GOLPH3L: variants seen among roughly 807,000 people sequenced by gnomAD.
GOLPH3L encodes the protein golgi phosphoprotein 3 like.
GOLPH3L carries 22 observed loss-of-function variants against 30.3 expected under a neutral mutation model. The ratio of observed to expected loss-of-function variants is 0.73; its 90% CI spans 0.52 to 1.04. The LOEUF is 1.04. Among genes scored for constraint, GOLPH3L ranks in the 50% least tolerant of loss-of-function variants. The pLI, the probability that GOLPH3L is intolerant of heterozygous loss-of-function variation, is 0.00. For synonymous variants in GOLPH3L, 120 were observed against 128.2 expected, an observed-to-expected ratio of 0.94 and a Z score of 0.43; for missense variants, 303 against 345.8, an observed-to-expected ratio of 0.88 and a Z score of 0.98.
chr1:150,658,607 C>A (rs1650300166), intron 4 of GOLPH3L, among the ~76,000 whole-genome samples: 1 of 152,170 alleles, frequency 6.6e-6, no homozygotes, highest in Non-Finnish European at 1.5e-5. Context: ...GGAAGAGGTG[C>A]TGCGCAATGA....
intron 3 of GOLPH3L, among the ~76,000 whole-genome samples, chr1:150,662,971 A>C (rs937984658): frequency 9.2e-5 from 14 of 152,062 alleles, no homozygotes; most frequent in African/African-American, 2.9e-4. Flanking sequence ...TTGGAGAATA[A>C]CCAGGGTTAA....
intron 2 of GOLPH3L, among the ~76,000 whole-genome samples, chr1:150,686,145 T>TTG (rs1651081491): frequency 1.3e-5 from 2 of 152,126 alleles, no homozygotes; most frequent in African/African-American, 2.4e-5. Flanking sequence ...AGTGCTAGGA[T>TTG]TACAGGCGTG....
chr1:150,694,845 C>T lies in GOLPH3L; in HGVS notation c.-7G>A, dbSNP rs374751790. The T allele has an allele frequency of 1.2e-5, 19 of 1,588,820 alleles. No homozygotes were observed. The African/African-American group carries it at 2.0e-4, about 17-fold the overall frequency. On this transcript the variant is annotated 5_prime_UTR_variant, in exon 2 of 5. Transcript: ENST00000271732. ...GGTGAGTTAAAGTGGTCATTCTCAC[C>T]TGTTTCTGGAGGGAGTGGTGAAAAA...
At chr1:150,695,180 G>T (rs587642592) in intron 1 of GOLPH3L, among the ~76,000 whole-genome samples, 43 of 152,186 alleles carry the variant, frequency 2.8e-4, no homozygotes, top group African/African-American at 1.0e-3. Context: ...CTGTTGCCCA[G>T]GCTGGGAGTG....
intron 3 of GOLPH3L, 58 bp downstream of exon 3, chr1:150,663,574 A>C: frequency 6.8e-7 from 1 of 1,475,144 alleles, no homozygotes; most frequent in East Asian, 2.3e-5. Context: ...TTCTTCCCAA[A>C]TGTACTGTTG....
Position 150,648,267 on chromosome 1 carries a change from G to C in GOLPH3L, c.*54C>G. On this transcript the variant is annotated 3_prime_UTR_variant, in exon 5 of 5. Coordinates refer to ENST00000271732, the MANE Select transcript of GOLPH3L (RefSeq NM_018178.6). Reference sequence around the variant, plus strand: ...CTCATCACACAAAACTCAGTGATGGGGTCTCTGACAGTCACCAGCCAGCAG... The same window carrying C: ...CTCATCACACAAAACTCAGTGATGGCGTCTCTGACAGTCACCAGCCAGCAG... The C allele has an allele frequency of 8.2e-7, 1 of 1,215,008 alleles. No homozygotes were observed. The highest frequency in any genetic ancestry group is 1.2e-6 in the Non-Finnish European group (1 of 854,946). 75.3% of individuals were successfully genotyped at this position (1,215,008 alleles called of 1,614,324 possible). A position where few individuals can be genotyped will look rare whatever the true frequency, so the allele number is the denominator to read the frequency against.
intron 2 of GOLPH3L, chr1:150,694,207 A>G (rs1392954126): frequency 2.3e-6 from 1 of 433,732 alleles, no homozygotes; most frequent in East Asian, 8.3e-5. Context: ...ATAAAAAATT[A>G]TTTCTGCTAT....
At chr1:150,692,608 GTCTTGAA>G (rs756641226) in intron 2 of GOLPH3L, among the ~76,000 whole-genome samples, 2 of 152,098 alleles carry the variant, frequency 1.3e-5, no homozygotes, top group Non-Finnish European at 2.9e-5. Context: ...GCCCAGGCTG[GTCTTGAA>G]CTCCTGGGCC....
At chr1:150,677,111 C>A in intron 2 of GOLPH3L, among the ~76,000 whole-genome samples, 1 of 149,096 alleles carries the variant, frequency 6.7e-6, no homozygotes, top group East Asian at 2.0e-4. Context: ...CACTCTGTCA[C>A]CCAAGCTGGA....
chr1:150,684,201 T>C (rs999098779), intron 2 of GOLPH3L, among the ~76,000 whole-genome samples: 11 of 152,210 alleles, frequency 7.2e-5, no homozygotes, highest in Non-Finnish European at 1.3e-4. Context: ...TTCTAATCCC[T>C]AGAACTGTGA....
intron 4 of GOLPH3L, among the ~76,000 whole-genome samples, chr1:150,653,311 T>A (rs1290283898): frequency 4.0e-5 from 6 of 150,030 alleles, no homozygotes; most frequent in Non-Finnish European, 1.5e-5. Flanking sequence ...TTTTTTTTTT[T>A]TTGAGACGGA....
intron 2 of GOLPH3L, among the ~76,000 whole-genome samples, chr1:150,669,038 C>T (rs1457187465): frequency 6.6e-6 from 1 of 152,164 alleles, no homozygotes; most frequent in African/African-American, 2.4e-5. Flanking sequence ...GAATGTCACA[C>T]TTTCCTATTG....
chr1:150,661,883 C>G lies in GOLPH3L; in HGVS notation c.361G>C (p.Glu121Gln), dbSNP rs1650374514. 1 of 1,601,804 alleles carries G rather than the reference C, an allele frequency of 6.2e-7. No individual in the cohort carries two copies. The highest frequency in any genetic ancestry group is 1.3e-5 in the African/African-American group (1 of 74,802). The change falls in exon 4 of 5, where the codon GAA becomes CAA. Residue 121 changes from glutamate to glutamine, a missense_variant. Physicochemically the swap from Glu to Gln is conservative, Grantham distance 29 (BLOSUM62 2). Coordinates refer to ENST00000271732, the MANE Select transcript of GOLPH3L (RefSeq NM_018178.6). ...DSPTGDVLLD[E>Q]TLKHIKATEP... ...GTTGCTTTGATGTGTTTCAGAGTTT[C>G]ATCCAGTAAAACATCACCTGTTGGG...
chr1:150,670,082 G>A (rs1157084788), intron 2 of GOLPH3L, among the ~76,000 whole-genome samples: 6 of 151,908 alleles, frequency 3.9e-5, no homozygotes, highest in Admixed American at 6.6e-5. Context: ...CCAACATGGT[G>A]AAACCCCGTT....
At chr1:150,652,649 G>C (rs1650150449) in intron 4 of GOLPH3L, among the ~76,000 whole-genome samples, 1 of 151,958 alleles carries the variant, frequency 6.6e-6, no homozygotes, top group African/African-American at 2.4e-5. Context: ...GGTATAATTG[G>C]ATACTTCATC....
intron 2 of GOLPH3L, among the ~76,000 whole-genome samples, chr1:150,666,149 T>C (rs1192178279): frequency 6.6e-6 from 1 of 152,194 alleles, no homozygotes; most frequent in African/African-American, 2.4e-5. Flanking sequence ...CTGTTTGGTA[T>C]ATGTTGTGCT....
intron 2 of GOLPH3L, among the ~76,000 whole-genome samples, chr1:150,675,171 G>C (rs975268697): frequency 1.3e-5 from 2 of 152,022 alleles, no homozygotes; most frequent in Non-Finnish European, 2.9e-5. Flanking sequence ...TGAGCCACCT[G>C]GCCTGGCTTC....
At chr1:150,683,380 C>T (rs990249621) in intron 2 of GOLPH3L, among the ~76,000 whole-genome samples, 1 of 151,310 alleles carries the variant, frequency 6.6e-6, no homozygotes, top group South Asian at 2.1e-4. Context: ...ACTAAAAATA[C>T]AAAAAATTAG....
At chr1:150,650,358 A>T (rs1208436103) in intron 4 of GOLPH3L, among the ~76,000 whole-genome samples, 1 of 152,238 alleles carries the variant, frequency 6.6e-6, no homozygotes, top group African/African-American at 2.4e-5. Context: ...GACTTCAGAG[A>T]GCTGCTGCAG....
Sources: allele counts gnomAD v4.1 joint callset (sites outside exome capture counted in the v4.1 genomes callset), GRCh38; gene constraint gnomAD v4.1.1; transcripts MANE v1.5; gene names NCBI Gene and HGNC (gene_info 2026-07-23, HGNC 2026-07-21).